Variants in PPIL6 observed in about 807,000 individuals in gnomAD.
PPIL6 encodes the protein probable inactive peptidyl-prolyl cis-trans isomerase-like 6.
Under a neutral mutation model 36.8 loss-of-function variants are expected in PPIL6, and 39 were observed. That is an observed-to-expected ratio of 1.06 (90% CI 0.82 to 1.38). The LOEUF is 1.38. PPIL6 is among the 40% of genes most tolerant of loss of function. PPIL6 has a pLI of 0.00. For synonymous variants in PPIL6, 123 were observed against 134.1 expected, an observed-to-expected ratio of 0.92 and a Z score of 0.57; for missense variants, 368 against 379.1, an observed-to-expected ratio of 0.97 and a Z score of 0.24.
intron 3 of PPIL6, among the ~76,000 whole-genome samples, chr6:109,427,589 G>A (rs868830380): frequency 6.6e-6 from 1 of 152,060 alleles, no homozygotes; most frequent in Non-Finnish European, 1.5e-5. Context: ...GTTTCACCAC[G>A]TTGCCCAGGG....
At chr6:109,423,092 C>T (rs2115255321) in intron 5 of PPIL6, among the ~76,000 whole-genome samples, 1 of 152,220 alleles carries the variant, frequency 6.6e-6, no homozygotes, top group East Asian at 1.9e-4. Flanking sequence ...TTCAGCTGGG[C>T]ACGGTGGCTC....
At chr6:109,441,168 G>T, upstream of PPIL6, 1 of 1,614,120 alleles carries the variant, frequency 6.2e-7, no homozygotes, top group Non-Finnish European at 8.5e-7. Context: ...AACCTCAACT[G>T]CTGGTGAGTG....
intron 6 of PPIL6, among the ~76,000 whole-genome samples, 177 bp downstream of exon 6, chr6:109,419,010 T>C (rs1773408052): frequency 6.6e-6 from 1 of 152,204 alleles, no homozygotes; most frequent in Admixed American, 6.5e-5. Context: ...TATGTGTGTA[T>C]GAAGCTGCTC....
Position 109,408,802 on chromosome 6 carries a change from T to C in PPIL6, c.689-8632A>G, listed in dbSNP as rs932610258. ...CACTTTCCTGTAAATAATTTTTACC[T>C]TTCTTCATTTACTTTTGGTTTAAAA... On this transcript the variant is annotated intron_variant, in intron 6 of 7. Coordinates refer to ENST00000521072, the MANE Select transcript of PPIL6 (RefSeq NM_173672.5). 2.6e-5 allele frequency among the ~76,000 whole-genome samples: 4 copies of C among 152,204 alleles called. No homozygotes were observed. The East Asian group carries it at 7.7e-4, about 29-fold the overall frequency.
intron 1 of PPIL6, among the ~76,000 whole-genome samples, chr6:109,439,007 G>C (rs1008740615): frequency 6.6e-6 from 1 of 152,138 alleles, no homozygotes; most frequent in Non-Finnish European, 1.5e-5. Context: ...TTCCATCTCT[G>C]TGTCTGCTTT....
chr6:109,411,086 C>T (rs1324774096), intron 6 of PPIL6, among the ~76,000 whole-genome samples: 1 of 152,200 alleles, frequency 6.6e-6, no homozygotes, highest in East Asian at 1.9e-4. Context: ...GAGTAGCTTT[C>T]CCTTGTATAT....
chr6:109,414,477 C>T (rs1292728443), intron 6 of PPIL6, among the ~76,000 whole-genome samples: 19 of 86,536 alleles, frequency 2.2e-4, no homozygotes, highest in African/African-American at 9.2e-4. Flanking sequence ...TGTCTTTTAG[C>T]TTTTTTTTTT....
intron 1 of PPIL6, among the ~76,000 whole-genome samples, chr6:109,437,548 C>CTTTTTT (rs71551374): frequency 1.7e-3 from 164 of 97,950 alleles, no homozygotes; most frequent in Non-Finnish European, 2.6e-3. Context: ...TATTTCTTTT[C>CTTTTTT]TTTTTTTTTT....
chr6:109,431,387 T>TG lies in PPIL6; in HGVS notation c.232-43dup, dbSNP rs764821068. The TG allele has an allele frequency of 2.8e-6, 4 of 1,422,944 alleles. No homozygotes were observed. In the Admixed American group the frequency reaches 8.4e-5, roughly 30 times the overall value. 88.1% of individuals were successfully genotyped at this position (1,422,944 alleles called of 1,614,324 possible). A position where few individuals can be genotyped will look rare whatever the true frequency, so the allele number is the denominator to read the frequency against. ...CAAAAAAAAAAAAAAACGTAAGAAG[T>TG]GGGGGGAAAACTTGCTAAACCCATA... On this transcript the variant is annotated intron_variant, in intron 2 of 7. Coordinates refer to ENST00000521072, the MANE Select transcript of PPIL6 (RefSeq NM_173672.5).
At chr6:109,430,005 C>T (rs1460814244) in intron 3 of PPIL6, among the ~76,000 whole-genome samples, 1 of 152,192 alleles carries the variant, frequency 6.6e-6, no homozygotes, top group African/African-American at 2.4e-5. Context: ...GACTCCTGAC[C>T]CTTTGGGAAT....
chr6:109,415,050 C>G (rs13195517), intron 6 of PPIL6, among the ~76,000 whole-genome samples: 1 of 151,906 alleles, frequency 6.6e-6, no homozygotes, highest in African/African-American at 2.4e-5. Flanking sequence ...CCTTGTCACA[C>G]TGAGTAGGCT....
At position 109,426,910 on chromosome 6, in the gene PPIL6, T is replaced by C. The variant is rs775645471; in HGVS notation, c.568A>G (p.Arg190Gly). The C allele has an allele frequency of 6.2e-7, 1 of 1,608,296 alleles. No homozygotes were observed. The highest frequency in any genetic ancestry group is 2.2e-5 in the East Asian group (1 of 44,706). The change falls in exon 5 of 8, where the codon AGA becomes GGA. Residue 190 changes from arginine (R) to glycine (G), a missense_variant. Coordinates refer to ENST00000521072, the MANE Select transcript of PPIL6 (RefSeq NM_173672.5). ...AAAATGGAATTTTTGTAATGTAGTC[T>C]TATGCCACGTTGAGAAAACCCTGCT... Reference protein sequence around the residue: ...GKAGFSQRGIRLHYKNSIFHR... With the variant: ...GKAGFSQRGIGLHYKNSIFHR...
chr6:109,415,344 G>C (rs763217599), intron 6 of PPIL6, among the ~76,000 whole-genome samples: 1 of 152,114 alleles, frequency 6.6e-6, no homozygotes, highest in South Asian at 2.1e-4. Flanking sequence ...GAACCCTTCC[G>C]CCAGATTGTC....
At chr6:109,440,295 T>A (rs905779739) in intron 1 of PPIL6, 161 bp downstream of exon 1, 3 of 888,900 alleles carry the variant, frequency 3.4e-6, no homozygotes, top group Non-Finnish European at 5.3e-6. Flanking sequence ...CTCCTCCCGG[T>A]CCTCCAGACG....
chr6:109,428,576 C>CT (rs1705109140), intron 3 of PPIL6, among the ~76,000 whole-genome samples: 1 of 149,566 alleles, frequency 6.7e-6, no homozygotes, highest in African/African-American at 2.5e-5. Flanking sequence ...AAAAAACCAC[C>CT]TTATTGAGCA....
intron 6 of PPIL6, among the ~76,000 whole-genome samples, chr6:109,400,679 A>T (rs1772491640): frequency 6.6e-6 from 1 of 152,172 alleles, no homozygotes; most frequent in Non-Finnish European, 1.5e-5. Flanking sequence ...TAGTAGGTGA[A>T]GGCAGGAACC....
chr6:109,429,058 G>A (rs926563882), intron 3 of PPIL6, among the ~76,000 whole-genome samples: 2 of 152,178 alleles, frequency 1.3e-5, no homozygotes, highest in Admixed American at 1.3e-4. Context: ...AAACAGGCAA[G>A]CATATTTATC....
upstream of PPIL6, chr6:109,440,860 C>G (rs1398812987): frequency 1.3e-5 from 7 of 527,272 alleles, no homozygotes; most frequent in South Asian, 9.9e-5. Flanking sequence ...GCGCGCGGCC[C>G]TTACCGAGCC....
intron 6 of PPIL6, chr6:109,405,078 T>C: frequency 2.5e-6 from 1 of 392,928 alleles, no homozygotes; most frequent in South Asian, 1.8e-5. Flanking sequence ...AAAGATATCT[T>C]TTCATAACCT....
Sources: allele counts gnomAD v4.1 joint callset (sites outside exome capture counted in the v4.1 genomes callset), GRCh38; gene constraint gnomAD v4.1.1; transcripts MANE v1.5; gene names NCBI Gene and HGNC (gene_info 2026-07-23, HGNC 2026-07-21).